Variants in PDE4D observed in about 807,000 individuals in gnomAD.
The protein encoded by PDE4D is phosphodiesterase 4D, also known as 3',5'-cyclic-AMP phosphodiesterase 4D.
Under a neutral mutation model 87.4 loss-of-function variants are expected in PDE4D, and 24 were observed. That is an observed-to-expected ratio of 0.27 (90% CI 0.20 to 0.39). PDE4D has a LOEUF of 0.39. Ranked by LOEUF, PDE4D falls within the 10% of genes least tolerant of loss-of-function variation. The pLI, the probability that PDE4D is intolerant of heterozygous loss-of-function variation, is 1.00. For synonymous variants in PDE4D, 384 were observed against 383.2 expected (o/e 1.00, Z -0.02); for missense variants, 714 against 1,041.0 (o/e 0.69, Z 4.32).
intron 1 of PDE4D, among the ~76,000 whole-genome samples, chr5:59,676,763 T>C (rs1296022390): frequency 1.3e-5 from 2 of 152,206 alleles, no homozygotes; most frequent in Non-Finnish European, 2.9e-5. Context: ...TGTTCCAACA[T>C]TTTTCATTTC....
intron 1 of PDE4D, among the ~76,000 whole-genome samples, chr5:59,748,401 CA>C (rs1412280935): frequency 6.6e-6 from 1 of 152,014 alleles, no homozygotes; most frequent in Non-Finnish European, 1.5e-5. Flanking sequence ...GGAACCAACC[CA>C]AATGTCCAAC....
At chr5:60,222,262 A>G (rs1744583936) in intron 1 of PDE4D, among the ~76,000 whole-genome samples, 1 of 152,044 alleles carries the variant, frequency 6.6e-6, no homozygotes, top group African/African-American at 2.4e-5. Flanking sequence ...GCCAACTGTC[A>G]TCCTCAATTT....
At chr5:60,431,022 A>G (rs1744218542) in intron 1 of PDE4D, 1 of 256,886 alleles carries the variant, frequency 3.9e-6, no homozygotes, top group South Asian at 3.2e-5. Context: ...CAAAACCGCC[A>G]TTGTCATCAT....
chr5:60,382,524 T>C (rs772366067), intron 1 of PDE4D, among the ~76,000 whole-genome samples: 20 of 152,202 alleles, frequency 1.3e-4, no homozygotes, highest in Non-Finnish European at 2.6e-4. Flanking sequence ...TTAAAAATAT[T>C]CTCATGTGCT....
chr5:59,378,949 A>G (rs142626184), intron 1 of PDE4D, among the ~76,000 whole-genome samples: 1 of 148,300 alleles, frequency 6.7e-6, no homozygotes, highest in Non-Finnish European at 1.5e-5. Flanking sequence ...AGGATAGAGG[A>G]GCATGAGTGT....
intron 5 of PDE4D, among the ~76,000 whole-genome samples, chr5:59,050,012 C>G (rs776319048): frequency 2.0e-5 from 3 of 152,106 alleles, no homozygotes; most frequent in South Asian, 2.1e-4. Flanking sequence ...GTCTGTAATC[C>G]CAGCCTTTTG....
chr5:60,466,039 G>A (rs1747327643), intron 1 of PDE4D, among the ~76,000 whole-genome samples: 1 of 152,084 alleles, frequency 6.6e-6, no homozygotes, highest in East Asian at 1.9e-4. Context: ...ATCATGAGTT[G>A]GGAACTGACT....
At chr5:60,419,993 T>C (rs919795135) in intron 1 of PDE4D, among the ~76,000 whole-genome samples, 1 of 151,906 alleles carries the variant, frequency 6.6e-6, no homozygotes, top group Non-Finnish European at 1.5e-5. Flanking sequence ...TTTGCAGAGA[T>C]TTGTCCCAGA....
chr5:59,078,806 C>T (rs1468541340), intron 5 of PDE4D, among the ~76,000 whole-genome samples: 2 of 152,170 alleles, frequency 1.3e-5, no homozygotes, highest in African/African-American at 2.4e-5. Flanking sequence ...TGAGCCACCA[C>T]ATCCAGCAAG....
chr5:59,429,426 C>T (rs1795781603), intron 1 of PDE4D, among the ~76,000 whole-genome samples: 1 of 151,790 alleles, frequency 6.6e-6, no homozygotes, highest in Non-Finnish European at 1.5e-5. Flanking sequence ...ATCACTTAAA[C>T]ATCCCTTCAT....
At chr5:59,739,515 C>T (rs905656411) in intron 1 of PDE4D, among the ~76,000 whole-genome samples, 1 of 152,142 alleles carries the variant, frequency 6.6e-6, no homozygotes, top group Non-Finnish European at 1.5e-5. Context: ...AATTCTTTTA[C>T]ACTATAAAAA....
chr5:59,389,843 G>T lies in PDE4D; in HGVS notation c.456-173875C>A, dbSNP rs576953497. Among the ~76,000 whole-genome samples the T allele has an allele frequency of 1.3e-3, 204 of 152,234 alleles. 2 individuals carry two copies. Among genetic ancestry groups the T allele is most frequent in the Admixed American group, 0.012 (177 of 15,288 alleles). On this transcript the variant is annotated intron_variant, in intron 1 of 14. Transcript: ENST00000340635. Reference sequence around the variant, plus strand: ...GAGAGTAGAATGATGGTTACCAGAGGCTGGGAAGAGAGAGGTGGGATGAAA... The same window carrying T: ...GAGAGTAGAATGATGGTTACCAGAGTCTGGGAAGAGAGAGGTGGGATGAAA...
At chr5:59,638,688 TG>T (rs1741016679) in intron 1 of PDE4D, among the ~76,000 whole-genome samples, 1 of 151,790 alleles carries the variant, frequency 6.6e-6, no homozygotes, top group Non-Finnish European at 1.5e-5. Context: ...AGTTTTTTGT[TG>T]TTTTTTTTTT....
chr5:59,768,545 A>C, intron 1 of PDE4D: 4 of 1,593,302 alleles, frequency 2.5e-6, no homozygotes, highest in Non-Finnish European at 1.7e-6. Flanking sequence ...GCAAGAATCC[A>C]GGGCAACGTG....
At chr5:59,705,909 T>C (rs1753326838) in intron 1 of PDE4D, among the ~76,000 whole-genome samples, 1 of 152,142 alleles carries the variant, frequency 6.6e-6, no homozygotes, top group Non-Finnish European at 1.5e-5. Context: ...TGGAGTTAGA[T>C]GGTCTGTATT....
At chr5:60,034,814 T>C (rs1767608775) in intron 2 of PDE4D, among the ~76,000 whole-genome samples, 1 of 152,074 alleles carries the variant, frequency 6.6e-6, no homozygotes, top group Non-Finnish European at 1.5e-5. Context: ...ATATTATGGG[T>C]GAGATTCAAA....
At chr5:59,268,680 C>T (rs1309835529) in intron 1 of PDE4D, among the ~76,000 whole-genome samples, 1 of 152,078 alleles carries the variant, frequency 6.6e-6, no homozygotes, top group African/African-American at 2.4e-5. Flanking sequence ...TTCTTTGTGA[C>T]TATCTTCCTT....
At chr5:60,068,448 CTTTTA>C (rs547885076) in intron 2 of PDE4D, among the ~76,000 whole-genome samples, 294 of 152,016 alleles carry the variant, frequency 1.9e-3, no homozygotes, top group African/African-American at 6.7e-3. Flanking sequence ...TTTTCTCTCT[CTTTTA>C]TTTTAACTAA....
At chr5:59,250,547 T>C (rs999895596) in intron 1 of PDE4D, among the ~76,000 whole-genome samples, 6 of 151,688 alleles carry the variant, frequency 4.0e-5, no homozygotes, top group Non-Finnish European at 8.8e-5. Context: ...AGGGTCATTG[T>C]GCCTTGAATA....
Sources: gnomAD v4.1 joint callset for allele counts (sites outside exome capture counted in the v4.1 genomes callset) on GRCh38, gnomAD v4.1.1 for gene constraint, MANE v1.5 for transcripts, NCBI Gene and HGNC (gene_info 2026-07-23, HGNC 2026-07-21) for gene names.